The following MLIP variants were observed in gnomAD, a reference collection of about 807,000 sequenced individuals.
MLIP encodes muscular LMNA-interacting protein.
Under a neutral mutation model 84.8 loss-of-function variants are expected in MLIP, and 79 were observed. The ratio of observed to expected loss-of-function variants is 0.93; its 90% confidence interval spans 0.78 to 1.12. The LOEUF (loss-of-function observed/expected upper bound fraction) is 1.12, where lower values mean the gene tolerates loss of function less well. Among genes scored for constraint, MLIP ranks in the 50% most tolerant of loss-of-function variants. The probability of loss-of-function intolerance (pLI) is 0.00; values close to 1 mark genes in which losing one functional copy is unlikely to be tolerated. For synonymous variants in MLIP, 504 were observed against 463.0 expected (o/e 1.09, Z -1.14); for missense variants, 1,257 against 1,160.6 (o/e 1.08, Z -1.21).
chr6:54,262,419 A>C (rs767302436), intron 13 of MLIP, among the ~76,000 whole-genome samples: 1 of 152,044 alleles, frequency 6.6e-6, no homozygotes, highest in Non-Finnish European at 1.5e-5. Flanking sequence ...GTTGGTCCTC[A>C]AGTAAGAAAA....
chr6:54,102,551 T>C (rs1768729617), intron 1 of MLIP, among the ~76,000 whole-genome samples: 1 of 152,156 alleles, frequency 6.6e-6, no homozygotes, highest in African/African-American at 2.4e-5. Context: ...TATTTTTATA[T>C]GTGGTATATC....
intron 11 of MLIP, chr6:54,215,759 A>AT (rs1697173213): frequency 6.6e-6 from 1 of 152,298 alleles, no homozygotes; most frequent in Non-Finnish European, 1.5e-5. Context: ...TTTAAACACC[A>AT]TTTTTCCTTT....
At chr6:54,265,238 A>C (rs905945983) in intron 13 of MLIP, among the ~76,000 whole-genome samples, 3 of 152,064 alleles carry the variant, frequency 2.0e-5, no homozygotes, top group Non-Finnish European at 4.4e-5. Context: ...TTCTTGCTTC[A>C]TCTCTGATAT....
chr6:54,071,106 T>A (rs1160712378), intron 1 of MLIP, among the ~76,000 whole-genome samples: 1 of 152,132 alleles, frequency 6.6e-6, no homozygotes. Context: ...GATTCTCTCA[T>A]AGGTATTTGC....
At chr6:54,236,555 T>A (rs1233836049) in intron 12 of MLIP, among the ~76,000 whole-genome samples, 1 of 151,226 alleles carries the variant, frequency 6.6e-6, no homozygotes, top group Non-Finnish European at 1.5e-5. Flanking sequence ...TGAGCCGAGA[T>A]CACTCCATTA....
upstream of MLIP, among the ~76,000 whole-genome samples, chr6:54,108,598 T>C (rs115134499): frequency 1.3e-3 from 203 of 152,260 alleles, 1 homozygote; most frequent in African/African-American, 4.6e-3. Flanking sequence ...TAAGAAATAG[T>C]CTATAACAGC....
At chr6:54,244,783 C>T (rs1402581401) in intron 12 of MLIP, among the ~76,000 whole-genome samples, 4 of 152,094 alleles carry the variant, frequency 2.6e-5, no homozygotes, top group African/African-American at 7.2e-5. Context: ...TTTCTTATTT[C>T]TCTTTTTGGC....
intron 11 of MLIP, among the ~76,000 whole-genome samples, chr6:54,221,968 T>A (rs78650415): frequency 0.013 from 1,925 of 152,190 alleles, 30 homozygotes; most frequent in African/African-American, 0.042. Context: ...TTCCTGACAT[T>A]TGTAAATTGA....
intron 1 of MLIP, among the ~76,000 whole-genome samples, chr6:54,044,324 C>T (rs2150306810): frequency 6.6e-6 from 1 of 152,278 alleles, no homozygotes; most frequent in South Asian, 2.1e-4. Flanking sequence ...CACTGATGTG[C>T]CTTGAGTTGC....
intron 13 of MLIP, among the ~76,000 whole-genome samples, chr6:54,260,355 CTT>C (rs1783301756): frequency 6.6e-6 from 1 of 151,920 alleles, no homozygotes. Flanking sequence ...CTGTAATTGA[CTT>C]TTGAAACACA....
intron 1 of MLIP, among the ~76,000 whole-genome samples, chr6:54,090,421 TAAC>T (rs1430765656): frequency 2.0e-5 from 3 of 152,298 alleles, no homozygotes; most frequent in Admixed American, 1.3e-4. Context: ...CCTACCTCCA[TAAC>T]TAGTTAGCAA....
At chr6:54,129,783 C>G (rs1414413178) in intron 3 of MLIP, among the ~76,000 whole-genome samples, 3 of 152,082 alleles carry the variant, frequency 2.0e-5, no homozygotes, top group African/African-American at 4.8e-5. Flanking sequence ...CTGGATGGCT[C>G]TTTGAATGCA....
rs769959762 is a variant in MLIP at position 54,124,731 on chromosome 6, C to G, written c.511C>G (p.Arg171Gly). The change falls in exon 3 of 14, where the codon CGG becomes GGG. Residue 171 changes from arginine to glycine, a missense_variant. Coordinates refer to ENST00000502396, the MANE Select transcript of MLIP (RefSeq NM_001281747.2). Reference sequence around the variant, plus strand: ...AGGGGGGATTGGCACCGCAGCTGTCCGGCCCAAGTCTCTAGCTATCTCGTC... The same window carrying G: ...AGGGGGGATTGGCACCGCAGCTGTCGGGCCCAAGTCTCTAGCTATCTCGTC... The part of the protein sequence containing the change: ...PPGGIGTAAV[R>G]PKSLAISSSL... 5 of 1,614,064 alleles carry G rather than the reference C, an allele frequency of 3.1e-6. No individual in the cohort carries two copies. Among genetic ancestry groups the G allele is most frequent in the Non-Finnish European group, 4.2e-6 (5 of 1,180,036 alleles).
At chr6:54,251,703 TATGATAC>T (rs1562108466) in intron 12 of MLIP, among the ~76,000 whole-genome samples, 21 of 93,606 alleles carry the variant, frequency 2.2e-4, no homozygotes, top group African/African-American at 1.1e-3. Context: ...TATTATAACA[TATGATAC>T]ATATATATTA....
At chr6:54,249,519 C>T (rs990926593) in intron 12 of MLIP, among the ~76,000 whole-genome samples, 6 of 151,680 alleles carry the variant, frequency 4.0e-5, no homozygotes, top group Non-Finnish European at 7.4e-5. Context: ...GCTTTTTCCA[C>T]ATAGCATGTA....
At chr6:54,262,329 A>G (rs1287426005) in intron 13 of MLIP, among the ~76,000 whole-genome samples, 1 of 152,064 alleles carries the variant, frequency 6.6e-6, no homozygotes, top group Non-Finnish European at 1.5e-5. Flanking sequence ...GACTGCAAAG[A>G]CGAGAAGAAA....
chr6:54,202,341 C>T (rs572848940), intron 11 of MLIP, 108 bp downstream of exon 11: 50 of 567,614 alleles, frequency 8.8e-5, no homozygotes, highest in Non-Finnish European at 1.1e-4. Context: ...AAAGATGTCT[C>T]TATGAATATA....
intron 1 of MLIP, among the ~76,000 whole-genome samples, chr6:54,099,770 A>T (rs1385893925): frequency 6.6e-6 from 1 of 152,198 alleles, no homozygotes; most frequent in African/African-American, 2.4e-5. Context: ...TAGAATTGGT[A>T]ATTAGAACAG....
At chr6:54,232,024 G>C (rs1433540666) in intron 12 of MLIP, among the ~76,000 whole-genome samples, 1 of 151,996 alleles carries the variant, frequency 6.6e-6, no homozygotes, top group African/African-American at 2.4e-5. Context: ...GCCAAAAAAT[G>C]TTTTTGGGCA....
Sources: gnomAD v4.1 joint callset for allele counts (sites outside exome capture counted in the v4.1 genomes callset) on GRCh38, gnomAD v4.1.1 for gene constraint, MANE v1.5 for transcripts, NCBI Gene and HGNC (gene_info 2026-07-23, HGNC 2026-07-21) for gene names.